The following ZBTB38 variants were observed in gnomAD, a reference collection of about 807,000 sequenced individuals.
ZBTB38 encodes zinc finger and BTB domain-containing protein 38.
A neutral mutation model predicts 76.8 loss-of-function variants in ZBTB38; 20 were observed. That is an observed-to-expected ratio of 0.26 (90% CI 0.18 to 0.38). The LOEUF (loss-of-function observed/expected upper bound fraction) is 0.38. ZBTB38 is among the 10% of genes least tolerant of loss of function. The pLI, the probability that ZBTB38 is intolerant of heterozygous loss-of-function variation, is 1.00. For missense variants in ZBTB38, 1,082 were observed against 1,482.3 expected, an observed-to-expected ratio of 0.73 and a Z score of 4.43; for synonymous variants, 504 against 544.2, an observed-to-expected ratio of 0.93 and a Z score of 1.03.
chr3:141,336,017 T>C (rs903257562), intron 1 of ZBTB38, among the ~76,000 whole-genome samples: 2 of 152,176 alleles, frequency 1.3e-5, no homozygotes, highest in African/African-American at 4.8e-5. Context: ...TCATCACCTT[T>C]CTCTCTCTTA....
chr3:141,338,194 A>C (rs1209299364), intron 1 of ZBTB38, among the ~76,000 whole-genome samples: 1 of 152,238 alleles, frequency 6.6e-6, no homozygotes, highest in Non-Finnish European at 1.5e-5. Context: ...TGCTGGTGGG[A>C]GTGTAAACTA....
intron 1 of ZBTB38, among the ~76,000 whole-genome samples, chr3:141,351,450 A>C (rs1943509822): frequency 6.6e-6 from 1 of 152,102 alleles, no homozygotes; most frequent in African/African-American, 2.4e-5. Flanking sequence ...CAGACCAGGC[A>C]TGGTGGAGAG....
chr3:141,417,113 G>T (rs958269221), intron 5 of ZBTB38, among the ~76,000 whole-genome samples: 2 of 152,224 alleles, frequency 1.3e-5, no homozygotes, highest in Non-Finnish European at 2.9e-5. Flanking sequence ...GTGGCACGAA[G>T]AAATGAAATC....
intron 1 of ZBTB38, among the ~76,000 whole-genome samples, chr3:141,336,875 A>G (rs1254459504): frequency 1.3e-5 from 2 of 152,180 alleles, no homozygotes; most frequent in African/African-American, 4.8e-5. Context: ...ACACCTTCTG[A>G]TGGGTGAGAC....
chr3:141,378,190 A>AG (rs1227942595), intron 2 of ZBTB38, among the ~76,000 whole-genome samples: 1 of 151,870 alleles, frequency 6.6e-6, no homozygotes, highest in East Asian at 1.9e-4. Flanking sequence ...ACAAGCAAAA[A>AG]AAAAAAAAAA....
chr3:141,407,578 T>C (rs1413832288), intron 5 of ZBTB38, among the ~76,000 whole-genome samples: 2 of 152,224 alleles, frequency 1.3e-5, no homozygotes, highest in Admixed American at 1.3e-4. Context: ...AGCACACATC[T>C]CCTATTACCA....
chr3:141,377,436 A>G (rs2149110761), intron 2 of ZBTB38, among the ~76,000 whole-genome samples: 1 of 152,368 alleles, frequency 6.6e-6, no homozygotes. Context: ...GCTTAAATAA[A>G]AAATACTGAG....
intron 1 of ZBTB38, among the ~76,000 whole-genome samples, chr3:141,359,266 C>A (rs1484367416): frequency 6.6e-6 from 1 of 152,216 alleles, no homozygotes; most frequent in African/African-American, 2.4e-5. Flanking sequence ...ATCACCTCTT[C>A]ATACAATTGC....
intron 4 of ZBTB38, among the ~76,000 whole-genome samples, chr3:141,401,172 A>G (rs1951805282): frequency 6.6e-6 from 1 of 152,252 alleles, no homozygotes; most frequent in Non-Finnish European, 1.5e-5. Context: ...TGGTAATTGC[A>G]TATACAAAAA....
At chr3:141,393,706 A>C (rs548325305) in intron 4 of ZBTB38, among the ~76,000 whole-genome samples, 1 of 152,262 alleles carries the variant, frequency 6.6e-6, no homozygotes, top group African/African-American at 2.4e-5. Flanking sequence ...AGCCAGGGGG[A>C]CAAAAGGAGA....
intron 2 of ZBTB38, among the ~76,000 whole-genome samples, chr3:141,375,188 A>G (rs534594815): frequency 2.0e-4 from 30 of 152,346 alleles, no homozygotes; most frequent in African/African-American, 7.2e-4. Flanking sequence ...TTTAACTGTA[A>G]TATGATGTAG....
At chr3:141,390,473 C>A (rs1020467096) in intron 4 of ZBTB38, among the ~76,000 whole-genome samples, 1 of 152,312 alleles carries the variant, frequency 6.6e-6, no homozygotes, top group East Asian at 1.9e-4. Flanking sequence ...GATTGCATCT[C>A]TTGCCATAAT....
At chr3:141,378,428 T>C (rs186885386) in intron 2 of ZBTB38, among the ~76,000 whole-genome samples, 105 of 152,330 alleles carry the variant, frequency 6.9e-4, no homozygotes, top group Admixed American at 2.9e-3. Context: ...TCTGCGTTTA[T>C]TTGAACTATA....
At chr3:141,328,370 G>A (rs1942740100) in intron 1 of ZBTB38, among the ~76,000 whole-genome samples, 1 of 152,068 alleles carries the variant, frequency 6.6e-6, no homozygotes, top group South Asian at 2.1e-4. Context: ...CATCTGCAAT[G>A]GCACTTAGCA....
At chr3:141,340,949 G>C (rs57163724) in intron 1 of ZBTB38, among the ~76,000 whole-genome samples, 1 of 111,928 alleles carries the variant, frequency 8.9e-6, no homozygotes, top group African/African-American at 4.1e-5. Flanking sequence ...AAAGAAAGAA[G>C]GAAAGAAAGA....
chr3:141,412,804 G>GTT (rs1337185452), intron 5 of ZBTB38, among the ~76,000 whole-genome samples: 1 of 145,428 alleles, frequency 6.9e-6, no homozygotes. Flanking sequence ...TTTCCACTCG[G>GTT]TTTTTTTTTT....
chr3:141,444,273 C>T lies in ZBTB38; in HGVS notation c.1885C>T (p.Pro629Ser), dbSNP rs367643115. Residue 629 changes from proline to serine, a missense_variant, in exon 6 of 6, where the codon CCA (proline) becomes TCA (serine). Coordinates refer to ENST00000321464, the MANE Select transcript of ZBTB38 (RefSeq NM_001376113.1). The surrounding 1 kb of genome is among the most constrained non-coding windows in gnomAD (Gnocchi z 5.1). ...QDTVNTLTNS[P>S]AIPLETSACQ... The stretch of plus-strand genomic sequence containing the variant: ...TACTGTAAACACCCTGACCAACAGT[C>T]CAGCCATCCCATTGGAAACATCTGC... 6.8e-6 allele frequency: 11 copies of T among 1,614,100 alleles called. No homozygotes were observed. The highest frequency in any genetic ancestry group is 9.3e-6 in the Non-Finnish European group (11 of 1,180,044).
intron 3 of ZBTB38, among the ~76,000 whole-genome samples, chr3:141,383,292 T>C (rs1406137270): frequency 1.3e-5 from 2 of 152,198 alleles, no homozygotes; most frequent in Non-Finnish European, 2.9e-5. Context: ...AAATACGCTA[T>C]AGACAGATGT....
intron 5 of ZBTB38, among the ~76,000 whole-genome samples, chr3:141,407,904 G>C (rs1481851887): frequency 1.3e-5 from 2 of 152,136 alleles, no homozygotes; most frequent in Non-Finnish European, 2.9e-5. Flanking sequence ...AGAGAGTCAG[G>C]GAATGGTGGT....
Sources: allele counts gnomAD v4.1 joint callset (sites outside exome capture counted in the v4.1 genomes callset), GRCh38; gene constraint gnomAD v4.1.1; non-coding constraint Gnocchi (gnomAD v3.1); transcripts MANE v1.5; gene names NCBI Gene and HGNC (gene_info 2026-07-23, HGNC 2026-07-21).